The following ALDH6A1 variants were observed in gnomAD, a reference collection of about 807,000 sequenced individuals.
ALDH6A1 encodes aldehyde dehydrogenase 6 family member A1, also known as methylmalonate-semialdehyde/malonate-semialdehyde dehydrogenase [acylating], mitochondrial.
A neutral mutation model predicts 62.6 loss-of-function variants in ALDH6A1; 43 were observed. The ratio of observed to expected loss-of-function variants is 0.69; its 90% CI spans 0.54 to 0.89. The LOEUF (loss-of-function observed/expected upper bound fraction) is 0.89, where lower values mean the gene tolerates loss of function less well. ALDH6A1 is among the 40% of genes least tolerant of loss of function. The probability of loss-of-function intolerance (pLI) is 0.00; values close to 1 mark genes in which losing one functional copy is unlikely to be tolerated. For missense variants in ALDH6A1, 551 were observed against 661.3 expected (o/e 0.83, Z 1.83); for synonymous variants, 194 against 234.2 (o/e 0.83, Z 1.57).
intron 2 of ALDH6A1, among the ~76,000 whole-genome samples, 172 bp downstream of exon 2, chr14:74,074,783 G>A (rs1163376647): frequency 6.6e-6 from 1 of 152,136 alleles, no homozygotes. Context: ...CCATGAAAAT[G>A]TTTGTATCTT....
At chr14:74,080,021 G>A (rs1449951556) in intron 1 of ALDH6A1, among the ~76,000 whole-genome samples, 1 of 152,104 alleles carries the variant, frequency 6.6e-6, no homozygotes, top group Non-Finnish European at 1.5e-5. Context: ...CTGGGTGACA[G>A]AGCGAGACCC....
rs778901315 is a variant in ALDH6A1 at position 74,060,289 on chromosome 14, C to T, written c.*353G>A. The stretch of plus-strand genomic sequence containing the variant: ...TGATGGAATTACAGGCGTGAGCCAC[C>T]GCGCCTGGCTGGAACATTTTCTTTA... On this transcript the variant is annotated 3_prime_UTR_variant, in exon 12 of 12. Coordinates refer to ENST00000553458, the MANE Select transcript of ALDH6A1 (RefSeq NM_005589.4). 51 of 260,528 alleles carry T rather than the reference C, an allele frequency of 2.0e-4. No individual in the cohort carries two copies. The highest frequency in any genetic ancestry group is 3.2e-4 in the Non-Finnish European group (43 of 132,368). 16.1% of individuals were successfully genotyped at this position (260,528 alleles called of 1,614,324 possible). A position where few individuals can be genotyped will look rare whatever the true frequency, so the allele number is the denominator to read the frequency against.
Position 74,057,157 on chromosome 14 carries a change from C to T in ALDH6A1, c.*3485G>A. 1 of 1,612,194 alleles carries T rather than the reference C, an allele frequency of 6.2e-7. No homozygotes were observed. Among genetic ancestry groups the T allele is most frequent in the East Asian group, 2.2e-5 (1 of 44,826 alleles). On this transcript the variant is annotated 3_prime_UTR_variant, in exon 12 of 12. Transcript: ENST00000553458. ...TCATTATTGCAGGGATGAAAGTAAG[C>T]TTCAAGATAAAATCTTCATCACCCA...
intron 9 of ALDH6A1, chr14:74,065,675 T>G (rs1158781229): frequency 3.4e-6 from 1 of 295,082 alleles, no homozygotes; most frequent in Non-Finnish European, 6.4e-6. Context: ...TTCATCCAAT[T>G]GTTATCAAAA....
At chr14:74,065,505 T>A in intron 9 of ALDH6A1, 145 bp from the exon 10 acceptor site, 7 of 795,538 alleles carry the variant, frequency 8.8e-6, no homozygotes, top group African/African-American at 3.5e-5. Flanking sequence ...ATCACCTATT[T>A]AAAAAAAAAG....
intron 2 of ALDH6A1, among the ~76,000 whole-genome samples, chr14:74,074,623 C>T (rs765720): frequency 0.068 from 10,381 of 152,136 alleles, 555 homozygotes; most frequent in South Asian, 0.26. Flanking sequence ...TGTGTGCATA[C>T]TTCTGTGTAG....
intron 1 of ALDH6A1, 77 bp from the exon 2 acceptor site, chr14:74,075,094 G>A (rs2060597482): frequency 3.9e-6 from 5 of 1,291,202 alleles, no homozygotes; most frequent in Non-Finnish European, 5.6e-6. Context: ...GCTACTATAT[G>A]CTATTTGCTA....
chr14:74,080,569 C>T (rs2060660126), intron 1 of ALDH6A1, among the ~76,000 whole-genome samples: 1 of 151,998 alleles, frequency 6.6e-6, no homozygotes, highest in African/African-American at 2.4e-5. Context: ...TCCCAAGTAC[C>T]TAGGAGTACA....
intron 2 of ALDH6A1, 105 bp downstream of exon 2, chr14:74,074,850 A>G: frequency 1.1e-5 from 13 of 1,201,612 alleles, no homozygotes; most frequent in Non-Finnish European, 1.6e-5. Flanking sequence ...AAAAACTAGA[A>G]AGTTTCACAT....
At chr14:74,073,046 C>T (rs1186312716) in intron 2 of ALDH6A1, among the ~76,000 whole-genome samples, 1 of 152,172 alleles carries the variant, frequency 6.6e-6, no homozygotes, top group African/African-American at 2.4e-5. Context: ...GTGATCCACC[C>T]ACCTCGGCCT....
chr14:74,067,437 C>T lies in ALDH6A1; in HGVS notation c.985G>A (p.Ala329Thr), dbSNP rs1374576085. The part of the protein sequence containing the change: ...ALSTAVLVGE[A>T]KKWLPELVEH... ...ACCAGCTCTGGCAGCCACTTCTTGGCTTCTCCCACAAGGACTGCTGTTGAA... is the reference window on the plus strand; with the variant it reads ...ACCAGCTCTGGCAGCCACTTCTTGGTTTCTCCCACAAGGACTGCTGTTGAA... The change falls in exon 8 of 12, where the codon GCC (alanine) becomes ACC (threonine). Residue 329 changes from alanine (A) to threonine (T), a missense_variant. Coordinates refer to ENST00000553458, the MANE Select transcript of ALDH6A1 (RefSeq NM_005589.4). The T allele has an allele frequency of 2.5e-6, 4 of 1,614,126 alleles. No homozygotes were observed. The highest frequency in any genetic ancestry group is 1.7e-6 in the Non-Finnish European group (2 of 1,180,040).
In ALDH6A1 at chr14:74,060,713, T is replaced by TAATG; in HGVS notation, c.1533_1536dup (p.Thr513HisfsTer64). 6.2e-7 allele frequency: 1 copy of TAATG among 1,613,582 alleles called. No homozygotes were observed. The highest frequency in any genetic ancestry group is 8.5e-7 in the Non-Finnish European group (1 of 1,179,556). ...GCATCTTCTTCTTTCCACTGAGAAG[T>TAATG]AATGGTCTTTAACTGAGTGTAGAAT... On this transcript the variant is annotated frameshift_variant, in exon 12 of 12. Transcript: ENST00000553458. LOFTEE classifies it high-confidence loss of function.
Position 74,057,207 on chromosome 14 carries a change from T to G in ALDH6A1, c.*3435A>C. On this transcript the variant is annotated 3_prime_UTR_variant, in exon 12 of 12. Transcript: ENST00000553458. ...AGCAAATTGCAATATCAGACTCTTC[T>G]GGTGAAGTGGTGCTACCCACTATTC... 4.3e-6 allele frequency: 7 copies of G among 1,614,144 alleles called. No individual in the cohort carries two copies. The highest frequency in any genetic ancestry group is 2.7e-5 in the African/African-American group (2 of 75,072).
In ALDH6A1 at chr14:74,072,476, G is replaced by A. The variant is rs547505878; in HGVS notation, c.186+61C>T. Reference sequence around the variant, plus strand: ...ACAACAGACACCCAGGTCCCTTCTTGCCCATCATGTCCCTAGAATTCTAGG... The same window carrying A: ...ACAACAGACACCCAGGTCCCTTCTTACCCATCATGTCCCTAGAATTCTAGG... On this transcript the variant is annotated intron_variant, in intron 3 of 11. Transcript: ENST00000553458. 2.5e-6 allele frequency: 4 copies of A among 1,612,974 alleles called. No homozygotes were observed. In the South Asian group the frequency reaches 4.4e-5, roughly 18 times the overall value.
chr14:74,056,966 A>T lies in ALDH6A1; in HGVS notation c.*3676T>A, dbSNP rs1482177338. 6.2e-7 allele frequency: 1 copy of T among 1,613,572 alleles called. No homozygotes were observed. Among genetic ancestry groups the T allele is most frequent in the African/African-American group, 1.3e-5 (1 of 74,888 alleles). Reference sequence around the variant, plus strand: ...ACTATGTTGTTTCTGACAGTGGGGAAACAAAGGAATTTGGGTAAGAGCTCT... The same window carrying T: ...ACTATGTTGTTTCTGACAGTGGGGATACAAAGGAATTTGGGTAAGAGCTCT... On this transcript the variant is annotated 3_prime_UTR_variant, in exon 12 of 12. Coordinates refer to ENST00000553458, the MANE Select transcript of ALDH6A1 (RefSeq NM_005589.4).
rs2060305563 is a variant in ALDH6A1, at chr14:74,060,051, T to C, written c.*591A>G. ...TCTCCCAGTGGCATTTAGGTAGCGC[T>C]ATGTTTGAGGATCAACCAAAAGCGG... On this transcript the variant is annotated 3_prime_UTR_variant, in exon 12 of 12. Transcript: ENST00000553458. The C allele has an allele frequency of 6.4e-6, 1 of 156,236 alleles. No individual in the cohort carries two copies. The highest frequency in any genetic ancestry group is 1.4e-5 in the Non-Finnish European group (1 of 70,512). The allele number at this position is 156,236 out of a possible 1,614,324, so 9.7% of individuals were successfully genotyped here.
intron 11 of ALDH6A1, 83 bp from the exon 12 acceptor site, chr14:74,060,829 T>C (rs2060323461): frequency 7.3e-6 from 7 of 954,384 alleles, no homozygotes; most frequent in East Asian, 4.8e-5. Flanking sequence ...GGAGGTATTA[T>C]AAAGTGCTAC....
At chr14:74,063,868 A>G (rs1489383364) in intron 11 of ALDH6A1, among the ~76,000 whole-genome samples, 1 of 149,568 alleles carries the variant, frequency 6.7e-6, no homozygotes, top group East Asian at 2.0e-4. Context: ...TCTGTCTCAA[A>G]AAAAAAAAAA....
In ALDH6A1 at chr14:74,065,176, C is replaced by T. The variant is rs1566828426; in HGVS notation, c.1404+5G>A. ...AAGAATCTCTTAAAAATTCTGTTCA[C>T]GAACCTGTCCAACATCCACCAAGTG... On this transcript the variant is annotated splice_donor_5th_base_variant and intron_variant, in intron 10 of 11. Transcript: ENST00000553458. 5 of 1,614,014 alleles carry T rather than the reference C, an allele frequency of 3.1e-6. No homozygotes were observed. The highest frequency in any genetic ancestry group is 4.5e-5 in the East Asian group (2 of 44,880).
Sources: gnomAD v4.1 joint callset for allele counts (sites outside exome capture counted in the v4.1 genomes callset) on GRCh38, gnomAD v4.1.1 for gene constraint, MANE v1.5 for transcripts, NCBI Gene and HGNC (gene_info 2026-07-23, HGNC 2026-07-21) for gene names.